The following ARIH1 variants were observed in gnomAD, a reference collection of about 807,000 sequenced individuals.
ARIH1 encodes ariadne RBR E3 ubiquitin protein ligase 1.
In ARIH1, 8 loss-of-function variants were observed where a neutral mutation model predicts 85.0. The ratio of observed to expected loss-of-function variants is 0.09; its 90% CI spans 0.06 to 0.17. ARIH1 has a LOEUF of 0.17. ARIH1 is among the 10% of genes least tolerant of loss of function. The pLI is 1.00. For synonymous variants in ARIH1, 238 were observed against 253.6 expected (o/e 0.94, Z 0.59); for missense variants, 311 against 718.1 (o/e 0.43, Z 6.48).
intron 3 of ARIH1, among the ~76,000 whole-genome samples, chr15:72,554,972 G>A (rs1446512858): frequency 6.6e-6 from 1 of 152,050 alleles, no homozygotes; most frequent in African/African-American, 2.4e-5. Context: ...CGCCTTCATG[G>A]TGGTTTTGAT....
intron 1 of ARIH1, among the ~76,000 whole-genome samples, chr15:72,505,381 C>A (rs759325462): frequency 6.6e-6 from 1 of 151,990 alleles, no homozygotes; most frequent in Non-Finnish European, 1.5e-5. Flanking sequence ...GTGCACTACT[C>A]AGTAGCTTGT....
chr15:72,494,952 C>T (rs947499348), intron 1 of ARIH1, among the ~76,000 whole-genome samples: 10 of 152,108 alleles, frequency 6.6e-5, no homozygotes, highest in African/African-American at 2.2e-4. Context: ...TCTGTTTCAT[C>T]ATCTGTGAGT....
Position 72,588,829 on chromosome 15 carries a change from A to T in ARIH1, c.*5537A>T, listed in dbSNP as rs2064328840. On this transcript the variant is annotated 3_prime_UTR_variant, in exon 14 of 14. Transcript: ENST00000379887. ...ATGTTGATTGGCAGTACATTCTCTT[A>T]CCAAGGGGGAGAAATCTATCTAGGG... 6.6e-6 allele frequency: 1 copy of T among 152,228 alleles called. No individual in the cohort carries two copies. Among genetic ancestry groups the T allele is most frequent in the Non-Finnish European group, 1.5e-5 (1 of 68,034 alleles). The allele number at this position is 152,228 out of a possible 1,614,324, so 9.4% of individuals were successfully genotyped here.
At chr15:72,560,787 G>C (rs2064194200) in intron 5 of ARIH1, among the ~76,000 whole-genome samples, 1 of 151,944 alleles carries the variant, frequency 6.6e-6, no homozygotes, top group South Asian at 2.1e-4. Context: ...ATTTTAATGG[G>C]GTTGAACTAC....
intron 1 of ARIH1, among the ~76,000 whole-genome samples, chr15:72,489,184 G>C (rs754332071): frequency 1.4e-5 from 2 of 146,568 alleles, no homozygotes; most frequent in Non-Finnish European, 3.0e-5. Context: ...GTCAATCAAG[G>C]CTGTAGTAAG....
chr15:72,574,916 T>G, intron 11 of ARIH1, among the ~76,000 whole-genome samples: 1 of 57,548 alleles, frequency 1.7e-5, no homozygotes, highest in Non-Finnish European at 3.7e-5. Flanking sequence ...CCCCCGCCCA[T>G]CTCTACAAAA....
chr15:72,489,601 G>A (rs1236798752), intron 1 of ARIH1, among the ~76,000 whole-genome samples: 1 of 152,212 alleles, frequency 6.6e-6, no homozygotes, highest in Non-Finnish European at 1.5e-5. Context: ...GTGACAAAAT[G>A]GGAGGTATGC....
intron 7 of ARIH1, among the ~76,000 whole-genome samples, chr15:72,564,326 T>C (rs1006597569): frequency 4.6e-5 from 7 of 152,228 alleles, no homozygotes; most frequent in African/African-American, 7.2e-5. Context: ...CTCTAGTTTC[T>C]AACAGCATGT....
In ARIH1 at chr15:72,552,314, A is replaced by G. The variant is rs1304136735; in HGVS notation, c.589-2957A>G. ...ATTTATTTTTGTTTTTTTAAGACGG[A>G]GTCTTGCCCTGTCATCAGGCTGGAG... On this transcript the variant is annotated intron_variant, in intron 3 of 13. Transcript: ENST00000379887. Among the ~76,000 whole-genome samples the G allele has an allele frequency of 2.0e-5, 3 of 152,152 alleles. 1 individual carries two copies. The highest frequency in any genetic ancestry group is 2.0e-4 in the Admixed American group (3 of 15,278).
At chr15:72,475,245 A>G (rs2063789848) in intron 1 of ARIH1, 2 of 950,986 alleles carry the variant, frequency 2.1e-6, no homozygotes, top group Admixed American at 4.0e-5. Context: ...AAGTCCTGCT[A>G]TGGCGGAGGC....
chr15:72,481,994 G>A (rs931430622), intron 1 of ARIH1, among the ~76,000 whole-genome samples: 6 of 151,806 alleles, frequency 4.0e-5, no homozygotes, highest in African/African-American at 9.7e-5. Context: ...CCACCACTAC[G>A]CCCGGCTAAT....
intron 5 of ARIH1, among the ~76,000 whole-genome samples, chr15:72,560,459 AT>A (rs2064193044): frequency 6.6e-6 from 1 of 152,160 alleles, no homozygotes; most frequent in African/African-American, 2.4e-5. Flanking sequence ...TCTGATATCT[AT>A]TTTACAGATT....
At chr15:72,553,907 A>G (rs1567354563) in intron 3 of ARIH1, among the ~76,000 whole-genome samples, 1 of 152,032 alleles carries the variant, frequency 6.6e-6, no homozygotes, top group Non-Finnish European at 1.5e-5. Context: ...ACAGAGTGAG[A>G]CTCTGTCTCA....
chr15:72,543,800 T>G (rs1399326422), intron 2 of ARIH1, among the ~76,000 whole-genome samples: 1 of 152,174 alleles, frequency 6.6e-6, no homozygotes, highest in Non-Finnish European at 1.5e-5. Context: ...TTGACCAGAT[T>G]GCACATTAAT....
rs192842133 is a variant in ARIH1, at chr15:72,516,815, G to T, written c.376-1252G>T. Among the ~76,000 whole-genome samples, 36 of 152,272 alleles carry T rather than the reference G, an allele frequency of 2.4e-4. 1 individual carries two copies. In the East Asian group the frequency reaches 5.0e-3, roughly 21 times the overall value. ...TACTTTAAATCTGTAGCTAACTACG[G>T]TCTGCTTGTGGTGAAGTAAAGTGGT... On this transcript the variant is annotated intron_variant, in intron 1 of 13. Transcript: ENST00000379887.
At chr15:72,506,004 G>C (rs557242743) in intron 1 of ARIH1, among the ~76,000 whole-genome samples, 7 of 152,182 alleles carry the variant, frequency 4.6e-5, no homozygotes, top group Admixed American at 1.3e-4. Flanking sequence ...AAAGTACTGG[G>C]ATTACAGGTG....
intron 3 of ARIH1, among the ~76,000 whole-genome samples, chr15:72,552,133 A>T (rs941094734): frequency 6.6e-6 from 1 of 152,232 alleles, no homozygotes; most frequent in Non-Finnish European, 1.5e-5. Context: ...CATTCATAAG[A>T]TCACAAAGAT....
rs1373405175 is a variant in ARIH1 at position 72,596,575 on chromosome 15, T to G, written c.*13283T>G. 6.6e-6 allele frequency: 1 copy of G among 152,192 alleles called. No homozygotes were observed. Among genetic ancestry groups the G allele is most frequent in the Non-Finnish European group, 1.5e-5 (1 of 68,030 alleles). The allele number at this position is 152,192 out of a possible 1,614,324, so 9.4% of individuals were successfully genotyped here. Reference sequence around the variant, plus strand: ...TTCTCCTCTTCTTTGGAGATTCTAGTTACATGTATATTAGATGATTTGATA... The same window carrying G: ...TTCTCCTCTTCTTTGGAGATTCTAGGTACATGTATATTAGATGATTTGATA... On this transcript the variant is annotated 3_prime_UTR_variant, in exon 14 of 14. Transcript: ENST00000379887.
intron 3 of ARIH1, among the ~76,000 whole-genome samples, chr15:72,548,041 C>T (rs1370911979): frequency 1.3e-5 from 2 of 152,222 alleles, no homozygotes; most frequent in Non-Finnish European, 2.9e-5. Flanking sequence ...ACACTAGGCA[C>T]TATTCTAAGA....
Sources: allele counts gnomAD v4.1 joint callset (sites outside exome capture counted in the v4.1 genomes callset), GRCh38; gene constraint gnomAD v4.1.1; transcripts MANE v1.5; gene names NCBI Gene and HGNC (gene_info 2026-07-23, HGNC 2026-07-21).